The following TPST1 variants were observed in gnomAD, a reference collection of about 807,000 sequenced individuals.
TPST1 encodes the protein protein-tyrosine sulfotransferase 1.
In TPST1, 20 loss-of-function variants were observed where a neutral mutation model predicts 34.8. The observed-to-expected ratio is 0.57, with a 90% CI of 0.40 to 0.84. The LOEUF (loss-of-function observed/expected upper bound fraction) is 0.84. TPST1 is among the 40% of genes least tolerant of loss of function. The pLI is 0.00. For missense variants in TPST1, 353 were observed against 455.5 expected (o/e 0.78, Z 2.05); for synonymous variants, 152 against 159.4 (o/e 0.95, Z 0.35).
intron 2 of TPST1, among the ~76,000 whole-genome samples, chr7:66,266,948 A>C (rs908955894): frequency 6.6e-6 from 1 of 152,198 alleles, no homozygotes; most frequent in Non-Finnish European, 1.5e-5. Flanking sequence ...TGGTGGTTAC[A>C]TGGCTGTATA....
intron 2 of TPST1, among the ~76,000 whole-genome samples, chr7:66,261,629 C>A (rs4145010): frequency 0.66 from 100,583 of 151,348 alleles, 33,747 homozygotes; most frequent in African/African-American, 0.76. Flanking sequence ...TCTGTTTATT[C>A]TTTTCATATA....
At chr7:66,324,024 TGTG>T (rs1363237800) in intron 3 of TPST1, among the ~76,000 whole-genome samples, 2 of 152,254 alleles carry the variant, frequency 1.3e-5, no homozygotes, top group Admixed American at 1.3e-4. Context: ...GTAAACAAAA[TGTG>T]GTAAAGATGG....
rs1221925100 is a variant in TPST1 at position 66,332,770 on chromosome 7, T to G, written c.1045-19735T>G. Among the ~76,000 whole-genome samples the G allele has an allele frequency of 6.6e-6, 1 of 152,196 alleles. No homozygotes were observed. The highest frequency in any genetic ancestry group is 2.4e-5 in the African/African-American group (1 of 41,444). On this transcript the variant is annotated intron_variant, in intron 3 of 5. Coordinates refer to ENST00000304842, the MANE Select transcript of TPST1 (RefSeq NM_003596.4). The surrounding 1 kb of genome is among the most constrained non-coding windows in gnomAD (Gnocchi z 4.5). ...TATTTACATAGCATTTGCATTGTAT[T>G]AGGTGTTATAAGCAGTCTAGAGATG...
intron 2 of TPST1, among the ~76,000 whole-genome samples, chr7:66,251,576 A>C (rs543690620): frequency 6.6e-6 from 1 of 152,336 alleles, no homozygotes; most frequent in South Asian, 2.1e-4. Flanking sequence ...TCAATGAAGC[A>C]AAGTAAGCAC....
At chr7:66,320,843 C>T (rs1223088479) in intron 3 of TPST1, among the ~76,000 whole-genome samples, 3 of 152,050 alleles carry the variant, frequency 2.0e-5, no homozygotes, top group African/African-American at 7.2e-5. Flanking sequence ...GGTGATCTGC[C>T]CGCCTCAGCC....
At chr7:66,283,336 C>T (rs1562828740) in intron 2 of TPST1, among the ~76,000 whole-genome samples, 1 of 152,154 alleles carries the variant, frequency 6.6e-6, no homozygotes, top group Non-Finnish European at 1.5e-5. Flanking sequence ...GTCAGGAAGA[C>T]ATCACCTGAG....
At chr7:66,310,596 G>A (rs1271104598) in intron 3 of TPST1, among the ~76,000 whole-genome samples, 4 of 152,066 alleles carry the variant, frequency 2.6e-5, no homozygotes, top group African/African-American at 7.2e-5. Context: ...CAGGGGTTGA[G>A]GTCCTGGTTC....
At chr7:66,275,507 T>C (rs1204113076) in intron 2 of TPST1, among the ~76,000 whole-genome samples, 2 of 151,960 alleles carry the variant, frequency 1.3e-5, no homozygotes, top group African/African-American at 4.8e-5. Context: ...AAAAAGAAAA[T>C]GCGGCATACA....
intron 3 of TPST1, chr7:66,344,386 T>C (rs1482300939): frequency 6.6e-6 from 1 of 152,228 alleles, no homozygotes; most frequent in African/African-American, 2.4e-5. Flanking sequence ...AAGGATGATA[T>C]GTAAGGTCAT....
At position 66,295,490 on chromosome 7, in the gene TPST1, G is replaced by T. The variant is rs575073207; in HGVS notation, c.1044+8781G>T. Reference sequence around the variant, plus strand: ...AGCCTGGGTGATGGAGCGAGATCCTGTCTCAAGAAAACAAAAACAAAAAAC... The same window carrying T: ...AGCCTGGGTGATGGAGCGAGATCCTTTCTCAAGAAAACAAAAACAAAAAAC... On this transcript the variant is annotated intron_variant, in intron 3 of 5. Transcript: ENST00000304842. 4.6e-5 allele frequency among the ~76,000 whole-genome samples: 7 copies of T among 152,220 alleles called. No homozygotes were observed. The South Asian group carries it at 1.2e-3, about 27-fold the overall frequency.
Position 66,312,752 on chromosome 7 carries a change from A to G in TPST1, c.1044+26043A>G, listed in dbSNP as rs527676954. On this transcript the variant is annotated intron_variant, in intron 3 of 5. Transcript: ENST00000304842. Reference sequence around the variant, plus strand: ...ACGAAAAATCAAATTAATGATAGGGAGAGTATACATTAGATGCTCTTCCAG... The same window carrying G: ...ACGAAAAATCAAATTAATGATAGGGGGAGTATACATTAGATGCTCTTCCAG... Among the ~76,000 whole-genome samples, 4 of 152,324 alleles carry G rather than the reference A, an allele frequency of 2.6e-5. No homozygotes were observed. The South Asian group carries it at 6.2e-4, about 24-fold the overall frequency.
At chr7:66,328,668 C>T (rs1791920858) in intron 3 of TPST1, among the ~76,000 whole-genome samples, 1 of 151,280 alleles carries the variant, frequency 6.6e-6, no homozygotes, top group African/African-American at 2.4e-5. Flanking sequence ...CCTAAACCTC[C>T]TGAGAAGTTG....
chr7:66,331,644 G>A (rs1384365494), intron 3 of TPST1, among the ~76,000 whole-genome samples: 2 of 152,102 alleles, frequency 1.3e-5, no homozygotes, highest in Admixed American at 6.6e-5. Context: ...ATAAAAAGAA[G>A]GTGTCTGTCT....
At chr7:66,282,216 G>A (rs189090287) in intron 2 of TPST1, among the ~76,000 whole-genome samples, 151 of 152,282 alleles carry the variant, frequency 9.9e-4, no homozygotes, top group African/African-American at 3.5e-3. Context: ...GGTTATTATC[G>A]AGAAAAGAAA....
At chr7:66,274,964 G>A (rs1790776522) in intron 2 of TPST1, among the ~76,000 whole-genome samples, 1 of 152,182 alleles carries the variant, frequency 6.6e-6, no homozygotes, top group Non-Finnish European at 1.5e-5. Context: ...GGAGGCCGAG[G>A]TGGGTGGATC....
chr7:66,340,231 G>A (rs1792209225), intron 3 of TPST1, among the ~76,000 whole-genome samples: 1 of 151,656 alleles, frequency 6.6e-6, no homozygotes, highest in Admixed American at 6.6e-5. Context: ...AAAAAAAAAA[G>A]AAGGAACATA....
At chr7:66,300,767 G>A (rs1235821787) in intron 3 of TPST1, among the ~76,000 whole-genome samples, 1 of 152,034 alleles carries the variant, frequency 6.6e-6, no homozygotes, top group Non-Finnish European at 1.5e-5. Flanking sequence ...CCAACATGGC[G>A]AAACTCCATC....
At chr7:66,295,881 TC>T (rs1791182384) in intron 3 of TPST1, among the ~76,000 whole-genome samples, 1 of 152,216 alleles carries the variant, frequency 6.6e-6, no homozygotes, top group Non-Finnish European at 1.5e-5. Context: ...CCTCAAGTGA[TC>T]TACCTGCCTT....
intron 2 of TPST1, among the ~76,000 whole-genome samples, chr7:66,272,008 CT>C (rs1790714364): frequency 6.6e-6 from 1 of 152,154 alleles, no homozygotes; most frequent in Non-Finnish European, 1.5e-5. Context: ...ACAATATTCT[CT>C]GAGTTTGTAA....
Sources: allele counts gnomAD v4.1 joint callset (sites outside exome capture counted in the v4.1 genomes callset), GRCh38; gene constraint gnomAD v4.1.1; non-coding constraint Gnocchi (gnomAD v3.1); transcripts MANE v1.5; gene names NCBI Gene and HGNC (gene_info 2026-07-23, HGNC 2026-07-21).